The following PIP5K1B variants were observed in gnomAD, a reference collection of about 807,000 sequenced individuals.
PIP5K1B encodes the protein phosphatidylinositol 4-phosphate 5-kinase type-1 beta.
PIP5K1B carries 42 observed loss-of-function variants against 67.0 expected under a neutral mutation model. That is an observed-to-expected ratio of 0.63 (90% CI 0.49 to 0.81). The LOEUF (loss-of-function observed/expected upper bound fraction) is 0.81. Ranked by LOEUF, PIP5K1B falls within the 30% of genes least tolerant of loss-of-function variation. The pLI is 0.00. For synonymous variants in PIP5K1B, 214 were observed against 231.4 expected, an observed-to-expected ratio of 0.92 and a Z score of 0.68; for missense variants, 459 against 646.3, an observed-to-expected ratio of 0.71 and a Z score of 3.14.
chr9:68,831,757 C>T, intron 4 of PIP5K1B, among the ~76,000 whole-genome samples: 1 of 152,088 alleles, frequency 6.6e-6, no homozygotes. Context: ...CTCACTGCAA[C>T]CTCCGCTGCC....
intron 15 of PIP5K1B, among the ~76,000 whole-genome samples, chr9:68,993,205 C>T (rs899451940): frequency 2.0e-5 from 3 of 152,128 alleles, no homozygotes; most frequent in African/African-American, 4.8e-5. Flanking sequence ...TCTGGTCTCC[C>T]CTGCATCTCC....
chr9:68,954,286 G>T lies in PIP5K1B; in HGVS notation c.1502+13496G>T, dbSNP rs73647039. Among the ~76,000 whole-genome samples the T allele has an allele frequency of 6.7e-3, 1,015 of 152,048 alleles. 14 individuals carry two copies. Among genetic ancestry groups the T allele is most frequent in the African/African-American group, 0.023 (956 of 41,472 alleles). ...TTCCAATCTTCTCCCCTCTTTATAG[G>T]TTTATGTCCTTTTTTAACCCTTTAT... On this transcript the variant is annotated intron_variant, in intron 14 of 15. Transcript: ENST00000265382.
chr9:68,810,810 T>G (rs1360708440), intron 2 of PIP5K1B, among the ~76,000 whole-genome samples: 1 of 150,294 alleles, frequency 6.7e-6, no homozygotes, highest in East Asian at 1.9e-4. Flanking sequence ...GTAGAACAAG[T>G]TTTATAGGAA....
At chr9:68,842,131 A>G (rs1471091076) in intron 4 of PIP5K1B, among the ~76,000 whole-genome samples, 6 of 152,186 alleles carry the variant, frequency 3.9e-5, no homozygotes, top group African/African-American at 9.6e-5. Context: ...GGCATTTCTC[A>G]TGCTTGGATG....
intron 8 of PIP5K1B, among the ~76,000 whole-genome samples, chr9:68,904,847 C>T (rs765399012): frequency 4.6e-5 from 7 of 151,646 alleles, no homozygotes; most frequent in Admixed American, 1.3e-4. Context: ...GTAATTTCCT[C>T]GGCTCTAAGA....
At chr9:68,865,206 G>A (rs1235136011) in intron 5 of PIP5K1B, among the ~76,000 whole-genome samples, 3 of 151,768 alleles carry the variant, frequency 2.0e-5, no homozygotes, top group South Asian at 2.1e-4. Flanking sequence ...ATGGACAACC[G>A]CAAGGCCCAA....
At chr9:68,972,531 C>T (rs531997384) in intron 14 of PIP5K1B, among the ~76,000 whole-genome samples, 1 of 152,252 alleles carries the variant, frequency 6.6e-6, no homozygotes, top group East Asian at 1.9e-4. Context: ...GTCCCAGTTA[C>T]TTGGGAGCGT....
chr9:69,004,424 C>G (rs192807128), intron 15 of PIP5K1B, among the ~76,000 whole-genome samples: 5 of 151,926 alleles, frequency 3.3e-5, no homozygotes, highest in Non-Finnish European at 7.4e-5. Flanking sequence ...TCTGTAGTCT[C>G]TGAGCTCCTC....
chr9:68,947,640 C>T (rs73443515), intron 14 of PIP5K1B, among the ~76,000 whole-genome samples: 6 of 152,238 alleles, frequency 3.9e-5, no homozygotes, highest in Admixed American at 3.9e-4. Context: ...AGTGTGAGTG[C>T]AAGAACAGGA....
chr9:68,805,138 G>A (rs1832800464), intron 2 of PIP5K1B, among the ~76,000 whole-genome samples: 1 of 152,192 alleles, frequency 6.6e-6, no homozygotes, highest in Non-Finnish European at 1.5e-5. Context: ...GTTGGTGCAG[G>A]CAAGAGGCTG....
intron 2 of PIP5K1B, among the ~76,000 whole-genome samples, chr9:68,749,690 G>A (rs1829520732): frequency 6.6e-6 from 1 of 152,012 alleles, no homozygotes; most frequent in African/African-American, 2.4e-5. Flanking sequence ...TTGAGAGCAG[G>A]GCTTCTCAAC....
chr9:68,922,830 T>G (rs1195077421), intron 11 of PIP5K1B, among the ~76,000 whole-genome samples: 1 of 152,242 alleles, frequency 6.6e-6, no homozygotes, highest in Non-Finnish European at 1.5e-5. Flanking sequence ...TATTGGGAGA[T>G]GAAACCAGAA....
chr9:68,933,239 G>A (rs985435776), intron 12 of PIP5K1B, among the ~76,000 whole-genome samples: 3 of 151,920 alleles, frequency 2.0e-5, no homozygotes, highest in African/African-American at 7.3e-5. Flanking sequence ...GTATACCTAT[G>A]TAACAAACCT....
intron 2 of PIP5K1B, among the ~76,000 whole-genome samples, chr9:68,766,569 G>A (rs1486534538): frequency 6.6e-6 from 1 of 152,026 alleles, no homozygotes; most frequent in African/African-American, 2.4e-5. Context: ...ATATGGAAAG[G>A]GCAAGTTAAT....
intron 2 of PIP5K1B, among the ~76,000 whole-genome samples, chr9:68,802,033 T>C (rs1832629109): frequency 6.6e-6 from 1 of 152,252 alleles, no homozygotes; most frequent in Non-Finnish European, 1.5e-5. Flanking sequence ...TTTGTGATTT[T>C]CTGTCTCTTT....
intron 1 of PIP5K1B, among the ~76,000 whole-genome samples, chr9:68,718,756 AG>A (rs1171484770): frequency 6.6e-6 from 1 of 152,222 alleles, no homozygotes; most frequent in African/African-American, 2.4e-5. Flanking sequence ...GTATTCATTC[AG>A]GAATGCAAGG....
At chr9:68,985,408 C>T (rs763320382) in intron 14 of PIP5K1B, among the ~76,000 whole-genome samples, 149 of 152,222 alleles carry the variant, frequency 9.8e-4, no homozygotes, top group African/African-American at 2.7e-3. Context: ...CCCACCACCA[C>T]GCCTGGCTAA....
intron 8 of PIP5K1B, among the ~76,000 whole-genome samples, chr9:68,895,493 C>A (rs994249251): frequency 3.9e-5 from 6 of 152,148 alleles, no homozygotes; most frequent in South Asian, 4.2e-4. Flanking sequence ...GACGGATGAC[C>A]CATGTTGTTA....
chr9:68,793,322 C>T (rs79945010), intron 2 of PIP5K1B, among the ~76,000 whole-genome samples: 2 of 151,982 alleles, frequency 1.3e-5, no homozygotes, highest in African/African-American at 4.8e-5. Context: ...CATGATCTGT[C>T]TTAGATTTTA....
Sources: allele counts gnomAD v4.1 joint callset (sites outside exome capture counted in the v4.1 genomes callset), GRCh38; gene constraint gnomAD v4.1.1; transcripts MANE v1.5; gene names NCBI Gene and HGNC (gene_info 2026-07-23, HGNC 2026-07-21).